Variants in STXBP5L observed in about 807,000 individuals in gnomAD.
The protein encoded by STXBP5L is syntaxin binding protein 5L, also known as syntaxin-binding protein 5-like.
STXBP5L carries 65 observed loss-of-function variants against 144.5 expected under a neutral mutation model. The ratio of observed to expected loss-of-function variants is 0.45; its 90% CI spans 0.37 to 0.55. STXBP5L has a LOEUF of 0.55. STXBP5L is among the 20% of genes least tolerant of loss of function. The pLI is 0.00. For synonymous variants in STXBP5L, 505 were observed against 469.6 expected, an observed-to-expected ratio of 1.08 and a Z score of -0.97; for missense variants, 1,298 against 1,405.5, an observed-to-expected ratio of 0.92 and a Z score of 1.22.
At chr3:121,292,895 G>A (rs1041415257) in intron 19 of STXBP5L, among the ~76,000 whole-genome samples, 1 of 152,116 alleles carries the variant, frequency 6.6e-6, no homozygotes, top group Non-Finnish European at 1.5e-5. Flanking sequence ...AAGGGTGGGA[G>A]GTAGGTGAGG....
intron 19 of STXBP5L, among the ~76,000 whole-genome samples, chr3:121,305,326 C>G (rs933022651): frequency 2.0e-5 from 3 of 152,036 alleles, no homozygotes; most frequent in African/African-American, 7.2e-5. Flanking sequence ...GAAACCAGCA[C>G]AATGTTGATA....
intron 19 of STXBP5L, among the ~76,000 whole-genome samples, chr3:121,289,019 A>G (rs925218756): frequency 3.9e-5 from 6 of 152,170 alleles, no homozygotes; most frequent in African/African-American, 1.4e-4. Flanking sequence ...CCTACCAGGC[A>G]CTATACTTAT....
intron 18 of STXBP5L, among the ~76,000 whole-genome samples, chr3:121,266,968 A>G (rs2050585310): frequency 6.6e-6 from 1 of 152,006 alleles, no homozygotes; most frequent in Non-Finnish European, 1.5e-5. Flanking sequence ...AAGAGAGGAC[A>G]CAAACAGATG....
At chr3:121,043,729 A>C (rs775203773) in intron 4 of STXBP5L, among the ~76,000 whole-genome samples, 4 of 148,540 alleles carry the variant, frequency 2.7e-5, no homozygotes, top group Non-Finnish European at 4.4e-5. Context: ...AACAAACAAA[A>C]AAAGAATACT....
chr3:121,199,534 G>A (rs997822484), intron 9 of STXBP5L, among the ~76,000 whole-genome samples: 42 of 152,198 alleles, frequency 2.8e-4, no homozygotes, highest in African/African-American at 9.7e-4. Flanking sequence ...TAGGAGTGGT[G>A]AGAGACCGCA....
At chr3:121,161,715 AT>A (rs1366288780) in intron 9 of STXBP5L, among the ~76,000 whole-genome samples, 1 of 151,950 alleles carries the variant, frequency 6.6e-6, no homozygotes, top group Non-Finnish European at 1.5e-5. Flanking sequence ...TCAAATGTGT[AT>A]TTTTCAATTG....
At chr3:121,256,800 A>G (rs908165214) in intron 16 of STXBP5L, among the ~76,000 whole-genome samples, 1 of 151,562 alleles carries the variant, frequency 6.6e-6, no homozygotes, top group Non-Finnish European at 1.5e-5. Flanking sequence ...TTCTCCTTTT[A>G]TTTTATCATA....
intron 10 of STXBP5L, among the ~76,000 whole-genome samples, chr3:121,211,628 G>C (rs1268830949): frequency 1.4e-5 from 2 of 140,628 alleles, no homozygotes; most frequent in African/African-American, 2.7e-5. Flanking sequence ...CACCAGGCTG[G>C]AGTGCAGTGG....
intron 5 of STXBP5L, among the ~76,000 whole-genome samples, chr3:121,075,623 T>G (rs542972510): frequency 2.6e-5 from 4 of 152,352 alleles, no homozygotes; most frequent in Non-Finnish European, 5.9e-5. Context: ...AAATGGCGTG[T>G]AAAGCCAGTA....
intron 4 of STXBP5L, among the ~76,000 whole-genome samples, chr3:121,043,695 G>A (rs952750739): frequency 1.3e-5 from 2 of 151,612 alleles, no homozygotes; most frequent in Non-Finnish European, 2.9e-5. Flanking sequence ...GCAACAGAGC[G>A]AGACTCCATC....
chr3:121,215,272 T>C lies in STXBP5L; in HGVS notation c.957-7731T>C, dbSNP rs553250012. 2.8e-3 allele frequency among the ~76,000 whole-genome samples: 419 copies of C among 152,346 alleles called. 3 individuals are homozygous for C. The highest frequency in any genetic ancestry group is 9.1e-3 in the African/African-American group (379 of 41,580). ...GACACTAGCTGGTTATTTTGCCCAT[T>C]AGTTGTTGCAGTTTCTTCATAGTGT... On this transcript the variant is annotated intron_variant, in intron 10 of 26. Coordinates refer to ENST00000471454, the MANE Select transcript of STXBP5L (RefSeq NM_001308330.2).
chr3:121,356,163 G>A (rs993079118), intron 20 of STXBP5L, among the ~76,000 whole-genome samples: 1 of 152,252 alleles, frequency 6.6e-6, no homozygotes, highest in Non-Finnish European at 1.5e-5. Flanking sequence ...ACACACTTAG[G>A]AGGCAGCCTG....
intron 2 of STXBP5L, among the ~76,000 whole-genome samples, chr3:120,935,586 G>C (rs1710219912): frequency 6.6e-6 from 1 of 151,888 alleles, no homozygotes; most frequent in Non-Finnish European, 1.5e-5. Flanking sequence ...ATTTTTGTTT[G>C]TTCAAGAAGG....
chr3:121,000,014 T>A (rs1167022315), intron 3 of STXBP5L, among the ~76,000 whole-genome samples: 2 of 152,160 alleles, frequency 1.3e-5, no homozygotes, highest in Non-Finnish European at 2.9e-5. Flanking sequence ...TTAGGTGACC[T>A]CCCCTTCTCT....
chr3:121,230,103 C>CTTTA (rs983078530), intron 11 of STXBP5L, among the ~76,000 whole-genome samples: 1 of 152,110 alleles, frequency 6.6e-6, no homozygotes, highest in Non-Finnish European at 1.5e-5. Flanking sequence ...TCCCATTTAC[C>CTTTA]TTTATTTATT....
intron 22 of STXBP5L, among the ~76,000 whole-genome samples, chr3:121,393,678 TTAAG>T (rs777729166): frequency 6.6e-6 from 1 of 152,232 alleles, no homozygotes; most frequent in Non-Finnish European, 1.5e-5. Context: ...GAACCATTTA[TTAAG>T]TAAGATGTTC....
In STXBP5L at chr3:121,104,840, A is replaced by T. The variant is rs1381387525; in HGVS notation, c.471-10085A>T. On this transcript the variant is annotated intron_variant, in intron 5 of 26. Coordinates refer to ENST00000471454, the MANE Select transcript of STXBP5L (RefSeq NM_001308330.2). ...CTCTTCTAGACATTGGTGTAGGCAA[A>T]GAGCTCATGACCAAGATGCGACAAA... Among the ~76,000 whole-genome samples the T allele has an allele frequency of 2.6e-5, 4 of 152,188 alleles. No individual in the cohort carries two copies. In the East Asian group the frequency reaches 7.7e-4, roughly 29 times the overall value.
At chr3:121,084,583 A>T (rs563996466) in intron 5 of STXBP5L, among the ~76,000 whole-genome samples, 1 of 152,304 alleles carries the variant, frequency 6.6e-6, no homozygotes, top group East Asian at 1.9e-4. Flanking sequence ...TATATGTAAC[A>T]TATTTTCTTT....
At chr3:121,175,509 AC>A (rs1322312275) in intron 9 of STXBP5L, among the ~76,000 whole-genome samples, 9 of 152,298 alleles carry the variant, frequency 5.9e-5, no homozygotes, top group Admixed American at 5.2e-4. Flanking sequence ...GCATGCTGAT[AC>A]ATTTTAAATT....
Sources: gnomAD v4.1 joint callset for allele counts (sites outside exome capture counted in the v4.1 genomes callset) on GRCh38, gnomAD v4.1.1 for gene constraint, MANE v1.5 for transcripts, NCBI Gene and HGNC (gene_info 2026-07-23, HGNC 2026-07-21) for gene names.